SNRPE: variants seen among roughly 807,000 people sequenced by gnomAD.
The protein encoded by SNRPE is small nuclear ribonucleoprotein polypeptide E, also known as small nuclear ribonucleoprotein E.
For missense variants in SNRPE, 53 were observed against 111.6 expected (o/e 0.48, Z 2.36); for synonymous variants, 35 against 36.7 (o/e 0.95, Z 0.17).
chr1:203,866,413 T>C (rs1178844214), intron 4 of SNRPE, among the ~76,000 whole-genome samples: 1 of 152,234 alleles, frequency 6.6e-6, no homozygotes, highest in African/African-American at 2.4e-5. Flanking sequence ...CATTCAGTAT[T>C]GTCTGCCTAG....
In SNRPE at chr1:203,870,476, A is replaced by C. The variant is rs1690192433; in HGVS notation, c.*544A>C. The C allele has an allele frequency of 6.6e-6, 1 of 152,206 alleles. No individual in the cohort carries two copies. The highest frequency in any genetic ancestry group is 2.4e-5 in the African/African-American group (1 of 41,452). 9.4% of individuals were successfully genotyped at this position (152,206 alleles called of 1,614,324 possible). Reference sequence around the variant, plus strand: ...TTATCGCTAAGATCAGAATGTGAGAAGTATTTGGATATAGGGAAAGAATGA... The same window carrying C: ...TTATCGCTAAGATCAGAATGTGAGACGTATTTGGATATAGGGAAAGAATGA... On this transcript the variant is annotated 3_prime_UTR_variant, in exon 5 of 5. Coordinates refer to ENST00000414487, the MANE Select transcript of SNRPE (RefSeq NM_003094.4).
chr1:203,862,655 A>G (rs139835893), intron 2 of SNRPE, among the ~76,000 whole-genome samples: 207 of 152,326 alleles, frequency 1.4e-3, no homozygotes, highest in Non-Finnish European at 2.1e-3. Context: ...TTAAAGACGA[A>G]AAAAGGAAGA....
chr1:203,867,732 C>T (rs1453040972), intron 4 of SNRPE, among the ~76,000 whole-genome samples: 2 of 152,130 alleles, frequency 1.3e-5, no homozygotes, highest in Non-Finnish European at 2.9e-5. Flanking sequence ...GCCACCTCGC[C>T]CACTGCTCAC....
At position 203,869,319 on chromosome 1, in the gene SNRPE, T is replaced by C. The variant is rs1343142044; in HGVS notation, c.224-558T>C. Reference sequence around the variant, plus strand: ...TTTTTTTTTTTTTTTTTTTTTTTTTTTTTTGGAGATGAATTTTGCTCTTGT... The same window carrying C: ...TTTTTTTTTTTTTTTTTTTTTTTTTCTTTTGGAGATGAATTTTGCTCTTGT... On this transcript the variant is annotated intron_variant, in intron 4 of 4. Transcript: ENST00000414487. 3.6e-5 allele frequency among the ~76,000 whole-genome samples: 3 copies of C among 84,440 alleles called. 1 individual carries two copies. Among genetic ancestry groups the C allele is most frequent in the East Asian group, 3.6e-4 (1 of 2,782 alleles). 55.4% of individuals were successfully genotyped at this position (84,440 alleles called of 152,430 possible).
chr1:203,868,111 A>G (rs185821049), intron 4 of SNRPE, among the ~76,000 whole-genome samples: 95 of 152,054 alleles, frequency 6.2e-4, no homozygotes, highest in African/African-American at 1.9e-3. Flanking sequence ...GCTGGAGTGT[A>G]ATGACGTGAT....
chr1:203,861,610 A>C lies in SNRPE; in HGVS notation c.-50A>C, dbSNP rs1482802418. 4.8e-6 allele frequency: 7 copies of C among 1,454,642 alleles called. No homozygotes were observed. Among genetic ancestry groups the C allele is most frequent in the African/African-American group, 1.4e-5 (1 of 71,802 alleles). 90.1% of individuals were successfully genotyped at this position (1,454,642 alleles called of 1,614,324 possible). On this transcript the variant is annotated 5_prime_UTR_variant, in exon 1 of 5. Transcript: ENST00000414487. Reference sequence around the variant, plus strand: ...TTCCGCTTCCGGTTCTTTATTCCGGAAGTTGCTCTCAGAGGCAGCGTGCGG... The same window carrying C: ...TTCCGCTTCCGGTTCTTTATTCCGGCAGTTGCTCTCAGAGGCAGCGTGCGG...
chr1:203,863,561 C>A (rs1443294145), intron 2 of SNRPE, 102 bp from the exon 3 acceptor site: 3 of 761,814 alleles, frequency 3.9e-6, no homozygotes, highest in Non-Finnish European at 4.7e-6. Context: ...CCTTGTGATC[C>A]ACCTCCCTCG....
intron 2 of SNRPE, among the ~76,000 whole-genome samples, chr1:203,863,413 G>T (rs1690017633): frequency 6.6e-6 from 1 of 152,142 alleles, no homozygotes; most frequent in African/African-American, 2.4e-5. Flanking sequence ...TGCCTCCCGG[G>T]TTCAAGCGAT....
chr1:203,869,951 G>T lies in SNRPE; in HGVS notation c.*19G>T. The T allele has an allele frequency of 1.3e-6, 2 of 1,507,206 alleles. No homozygotes were observed. Among genetic ancestry groups the T allele is most frequent in the Non-Finnish European group, 1.8e-6 (2 of 1,090,790 alleles). 93.4% of individuals were successfully genotyped at this position (1,507,206 alleles called of 1,614,324 possible). Reference sequence around the variant, plus strand: ...CAACTAGAAATGATCAATGAAGTGAGAAATTGTTGAGAAGGATACAGTTTG... The same window carrying T: ...CAACTAGAAATGATCAATGAAGTGATAAATTGTTGAGAAGGATACAGTTTG... On this transcript the variant is annotated 3_prime_UTR_variant, in exon 5 of 5. Transcript: ENST00000414487.
chr1:203,863,007 C>T (rs1690007302), intron 2 of SNRPE, among the ~76,000 whole-genome samples: 1 of 152,056 alleles, frequency 6.6e-6, no homozygotes, highest in Non-Finnish European at 1.5e-5. Context: ...TTAGCTTATA[C>T]AGTTCCAATA....
Position 203,863,705 on chromosome 1 carries a change from C to T in SNRPE, c.124C>T (p.Arg42Trp), listed in dbSNP as rs771072513. ...QVWLYEQVNM[R>W]IEGCIIGFDE... ...GTGGCTCTATGAGCAAGTGAATATG[C>T]GGATAGAAGGCTGTATCATTGTGAG... The change falls in exon 3 of 5, where the codon CGG becomes TGG. Residue 42 changes from arginine (R) to tryptophan (W), a missense_variant. Arg to Trp is a moderately radical substitution (Grantham distance 101). Coordinates refer to ENST00000414487, the MANE Select transcript of SNRPE (RefSeq NM_003094.4). 3.7e-6 allele frequency: 6 copies of T among 1,602,530 alleles called. No homozygotes were observed. The Admixed American group carries it at 5.0e-5, about 13-fold the overall frequency.
At chr1:203,867,751 G>A (rs1690123402) in intron 4 of SNRPE, among the ~76,000 whole-genome samples, 1 of 152,168 alleles carries the variant, frequency 6.6e-6, no homozygotes, top group African/African-American at 2.4e-5. Context: ...ACCTCTTGCT[G>A]TGTGACCCAG....
At chr1:203,868,685 T>G (rs967979689) in intron 4 of SNRPE, among the ~76,000 whole-genome samples, 5 of 152,176 alleles carry the variant, frequency 3.3e-5, no homozygotes, top group Admixed American at 2.6e-4. Flanking sequence ...ATTTATTTTT[T>G]TGGAGACGGA....
chr1:203,868,816 A>G (rs1274289298), intron 4 of SNRPE, among the ~76,000 whole-genome samples: 1 of 149,756 alleles, frequency 6.7e-6, no homozygotes, highest in Non-Finnish European at 1.5e-5. Context: ...ATTACAGGGC[A>G]TGCCACCACA....
rs547302411 is a variant in SNRPE, at chr1:203,868,236, A to G, written c.224-1641A>G. Among the ~76,000 whole-genome samples the G allele has an allele frequency of 6.6e-5, 10 of 152,086 alleles. No homozygotes were observed. The East Asian group carries it at 1.7e-3, about 27-fold the overall frequency. ...ACGCCTGGCTGATTTTTTGTGTTTT[A>G]GTAGAGACGGGGTTTCACTGTGTTG... is the stretch of plus-strand genomic sequence containing the variant. On this transcript the variant is annotated intron_variant, in intron 4 of 4. Coordinates refer to ENST00000414487, the MANE Select transcript of SNRPE (RefSeq NM_003094.4).
intron 4 of SNRPE, among the ~76,000 whole-genome samples, chr1:203,869,454 G>A (rs560397830): frequency 7.2e-5 from 11 of 151,846 alleles, no homozygotes; most frequent in East Asian, 1.9e-4. Flanking sequence ...TTACAGGCAC[G>A]CGCCACCAGG....
Position 203,861,671 on chromosome 1 carries a change from T to C in SNRPE, c.12T>C (p.Arg4=), listed in dbSNP as rs750732661. 4 of 1,613,072 alleles carry C rather than the reference T, an allele frequency of 2.5e-6. No homozygotes were observed. The East Asian group carries it at 8.9e-5, about 36-fold the overall frequency. Residue 4 remains arginine, a synonymous_variant, in exon 1 of 5, where the codon CGT becomes CGC. Coordinates refer to ENST00000414487, the MANE Select transcript of SNRPE (RefSeq NM_003094.4). MAY[R]GQGQKVQKVM... ...TGTGAAATTCCACCATGGCGTACCG[T>C]GGCCAGGGTCAGAAAGTGCAGAAGG...
chr1:203,863,227 G>T (rs935151194), intron 2 of SNRPE, among the ~76,000 whole-genome samples: 1 of 151,356 alleles, frequency 6.6e-6, no homozygotes, highest in Admixed American at 6.6e-5. Context: ...TTAATGTTGC[G>T]CAGGCTTATA....
chr1:203,861,830 G>T, intron 1 of SNRPE, 117 bp downstream of exon 1: 1 of 824,912 alleles, frequency 1.2e-6, no homozygotes, highest in African/African-American at 1.7e-5. Flanking sequence ...ATGAGCCCCC[G>T]GGGCTACCAA....
Sources: allele counts gnomAD v4.1 joint callset (sites outside exome capture counted in the v4.1 genomes callset), GRCh38; gene constraint gnomAD v4.1.1; transcripts MANE v1.5; gene names NCBI Gene and HGNC (gene_info 2026-07-23, HGNC 2026-07-21).